UGT1A4: variants seen among roughly 807,000 people sequenced by gnomAD.
The protein encoded by UGT1A4 is UDP glucuronosyltransferase family 1 member A4.
Under a neutral mutation model 41.1 loss-of-function variants are expected in UGT1A4, and 32 were observed. The observed-to-expected ratio is 0.78, with a 90% CI of 0.59 to 1.05. The LOEUF is 1.05. UGT1A4 is among the 50% of genes least tolerant of loss of function. UGT1A4 has a pLI of 0.00. For synonymous variants in UGT1A4, 283 were observed against 265.1 expected, an observed-to-expected ratio of 1.07 and a Z score of -0.66; for missense variants, 748 against 677.4, an observed-to-expected ratio of 1.10 and a Z score of -1.16.
intron 1 of UGT1A4, among the ~76,000 whole-genome samples, chr2:233,733,088 C>T (rs1321589207): frequency 6.6e-6 from 1 of 152,072 alleles, no homozygotes; most frequent in Non-Finnish European, 1.5e-5. Flanking sequence ...AATGGGAGTT[C>T]ACTCATGGTT....
chr2:233,733,211 G>A (rs2078366147), intron 1 of UGT1A4, among the ~76,000 whole-genome samples: 1 of 152,200 alleles, frequency 6.6e-6, no homozygotes, highest in Non-Finnish European at 1.5e-5. Flanking sequence ...ACTTTGGGCT[G>A]AGACAATGGG....
Position 233,772,815 on chromosome 2 carries a change from G to A in UGT1A4, c.*256G>A. 1 of 1,022,382 alleles carries A rather than the reference G, an allele frequency of 9.8e-7. No homozygotes were observed. The highest frequency in any genetic ancestry group is 1.3e-6 in the Non-Finnish European group (1 of 747,412). 63.3% of individuals were successfully genotyped at this position (1,022,382 alleles called of 1,614,324 possible). On this transcript the variant is annotated 3_prime_UTR_variant, in exon 5 of 5. Transcript: ENST00000373409. Reference sequence around the variant, plus strand: ...ACATGTGCCATTTTTCAGAGGACGTGCAGACAGGCTGGCATTCTAGATTAC... The same window carrying A: ...ACATGTGCCATTTTTCAGAGGACGTACAGACAGGCTGGCATTCTAGATTAC...
At chr2:233,748,082 C>A (rs1013967791) in intron 1 of UGT1A4, 6 of 1,612,924 alleles carry the variant, frequency 3.7e-6, no homozygotes, top group Non-Finnish European at 5.1e-6. Context: ...TATCTCAGGT[C>A]GGTGTTCGTG....
In UGT1A4 at chr2:233,743,883, G is replaced by A. The variant is rs373345166; in HGVS notation, c.868-23151G>A. 1.0e-5 allele frequency: 14 copies of A among 1,366,944 alleles called. No individual in the cohort carries two copies. In the East Asian group the frequency reaches 1.4e-4, roughly 13 times the overall value. 84.7% of individuals were successfully genotyped at this position (1,366,944 alleles called of 1,614,324 possible). On this transcript the variant is annotated intron_variant, in intron 1 of 4. Transcript: ENST00000373409. ...TTGATGGCCTCGGATGAGGCCTGCC[G>A]GGGCACGTCCAGCACCTCGTAGTAG...
In UGT1A4 at chr2:233,760,982, C is replaced by A. The variant is rs147640261; in HGVS notation, c.868-6052C>A. Reference sequence around the variant, plus strand: ...GACGTGGTTTATTCCCCGTATGCAACCCTTGCCTCAGAATTCCTTCAGAGA... The same window carrying A: ...GACGTGGTTTATTCCCCGTATGCAAACCTTGCCTCAGAATTCCTTCAGAGA... On this transcript the variant is annotated intron_variant, in intron 1 of 4. Transcript: ENST00000373409. The A allele has an allele frequency of 1.9e-6, 3 of 1,614,220 alleles. No individual in the cohort carries two copies. The highest frequency in any genetic ancestry group is 2.7e-5 in the African/African-American group (2 of 75,052).
chr2:233,729,547 C>A (rs529213131), intron 1 of UGT1A4: 1 of 1,614,168 alleles, frequency 6.2e-7, no homozygotes, highest in South Asian at 1.1e-5. Flanking sequence ...GATCAGGCAC[C>A]TGAATGCTAC....
intron 1 of UGT1A4, among the ~76,000 whole-genome samples, chr2:233,758,729 C>T (rs1001839617): frequency 6.6e-6 from 1 of 152,208 alleles, no homozygotes; most frequent in African/African-American, 2.4e-5. Context: ...CCTCTAAGCA[C>T]ATCCCCAAGT....
intron 1 of UGT1A4, chr2:233,729,592 C>A (rs1253832448): frequency 6.2e-7 from 1 of 1,613,966 alleles, no homozygotes; most frequent in African/African-American, 1.3e-5. Flanking sequence ...CCCCGTTAAC[C>A]TCTGCGCGGC....
chr2:233,719,052 A>C lies in UGT1A4; in HGVS notation c.232A>C (p.Thr78Pro), dbSNP rs200903552. 5 of 1,614,270 alleles carry C rather than the reference A, an allele frequency of 3.1e-6. No individual in the cohort carries two copies. Among genetic ancestry groups the C allele is most frequent in the Non-Finnish European group, 4.2e-6 (5 of 1,180,042 alleles). Residue 78 changes from threonine to proline, a missense_variant, in exon 1 of 5, where the codon ACA (threonine) becomes CCA (proline). Coordinates refer to ENST00000373409, the MANE Select transcript of UGT1A4 (RefSeq NM_007120.3). ...CAAAGAAGAGAAATTTTTCACCCTG[A>C]CAGCCTATGCTGTTCCATGGACCCA... ...HIKEEKFFTL[T>P]AYAVPWTQKE...
Position 233,768,375 on chromosome 2 carries a change from A to C in UGT1A4, c.1243A>C (p.Asn415His). The change falls in exon 4 of 5, where the codon AAT becomes CAT. Residue 415 changes from asparagine to histidine, a missense_variant. Transcript: ENST00000373409. ...GACTAAGGGAGCTGGAGTGACCCTG[A>C]ATGTTCTGGAAATGACTTCTGAAGA... ...METKGAGVTL[N>H]VLEMTSEDLE... 1 of 1,614,190 alleles carries C rather than the reference A, an allele frequency of 6.2e-7. No individual in the cohort carries two copies. Among genetic ancestry groups the C allele is most frequent in the African/African-American group, 1.3e-5 (1 of 75,044 alleles).
At position 233,769,393 on chromosome 2, in the gene UGT1A4, G is replaced by A. The variant is rs767407915; in HGVS notation, c.1307+954G>A. ...GATTTCATCCGACAATAGATACTGT[G>A]TGCATATGTGCGTGTGCGTTTGTGC... is the stretch of plus-strand genomic sequence containing the variant. On this transcript the variant is annotated intron_variant, in intron 4 of 4. Transcript: ENST00000373409. This position sits in a 1 kb window ranked among gnomAD's most constrained non-coding sequence, Gnocchi z 4.4. 2.7e-5 allele frequency: 30 copies of A among 1,098,632 alleles called. No homozygotes were observed. Among genetic ancestry groups the A allele is most frequent in the Non-Finnish European group, 3.5e-5 (26 of 750,310 alleles). 68.1% of individuals were successfully genotyped at this position (1,098,632 alleles called of 1,614,324 possible).
intron 1 of UGT1A4, among the ~76,000 whole-genome samples, chr2:233,732,521 T>C (rs2078280152): frequency 6.6e-6 from 1 of 152,252 alleles, no homozygotes; most frequent in South Asian, 2.1e-4. Flanking sequence ...TCCAGCTTTC[T>C]ACATATGGCC....
intron 1 of UGT1A4, among the ~76,000 whole-genome samples, chr2:233,726,604 A>ACCCAGGAT (rs1166552006): frequency 1.2e-4 from 18 of 152,184 alleles, no homozygotes; most frequent in African/African-American, 4.3e-4. Flanking sequence ...TTGTGATTAC[A>ACCCAGGAT]CTGTCCTGCC....
chr2:233,765,271 A>T (rs1304943144), intron 1 of UGT1A4, among the ~76,000 whole-genome samples: 1 of 152,224 alleles, frequency 6.6e-6, no homozygotes, highest in Admixed American at 6.5e-5. Flanking sequence ...TACCCAAAGA[A>T]ATATAAATTA....
chr2:233,745,589 C>T (rs984719632), intron 1 of UGT1A4, among the ~76,000 whole-genome samples: 4 of 151,622 alleles, frequency 2.6e-5, no homozygotes, highest in East Asian at 1.9e-4. Flanking sequence ...ACCTGAGACC[C>T]GGACTTGGCA....
chr2:233,764,196 C>T (rs923801635), intron 1 of UGT1A4, among the ~76,000 whole-genome samples: 7 of 152,120 alleles, frequency 4.6e-5, no homozygotes, highest in African/African-American at 1.7e-4. Flanking sequence ...TCAGGGGCAT[C>T]TCATCTTTTC....
At position 233,772,405 on chromosome 2, in the gene UGT1A4, G is replaced by T. The variant is rs1176419046; in HGVS notation, c.1451G>T (p.Trp484Leu). Residue 484 changes from tryptophan to leucine, a missense_variant, in exon 5 of 5, where the codon TGG (tryptophan) becomes TTG (leucine). Coordinates refer to ENST00000373409, the MANE Select transcript of UGT1A4 (RefSeq NM_007120.3). ...CGCCCCGCAGCCCACGACCTCACCT[G>T]GTACCAGTACCATTCCTTGGACGTG... ...HLRPAAHDLTWYQYHSLDVIG... is the reference protein window; with the variant it reads ...HLRPAAHDLTLYQYHSLDVIG... 1.2e-6 allele frequency: 2 copies of T among 1,614,224 alleles called. No individual in the cohort carries two copies. Among genetic ancestry groups the T allele is most frequent in the South Asian group, 1.1e-5 (1 of 91,090 alleles).
Position 233,719,318 on chromosome 2 carries a change from G to T in UGT1A4, c.498G>T (p.Ser166=). Residue 166 remains serine (S), a synonymous_variant, in exon 1 of 5, where the codon TCG becomes TCT. Coordinates refer to ENST00000373409, the MANE Select transcript of UGT1A4 (RefSeq NM_007120.3). ...GGGCGGTGCTGGCTAAGTACCTGTCGATTCCTGCTGTGTTTTTTTGGAGGT... is the reference window on the plus strand; with the variant it reads ...GGGCGGTGCTGGCTAAGTACCTGTCTATTCCTGCTGTGTTTTTTTGGAGGT... The part of the protein sequence containing the change: ...LCGAVLAKYL[S]IPAVFFWRYI... 1 of 1,613,954 alleles carries T rather than the reference G, an allele frequency of 6.2e-7. No homozygotes were observed. Among genetic ancestry groups the T allele is most frequent in the Non-Finnish European group, 8.5e-7 (1 of 1,179,882 alleles).
Position 233,769,484 on chromosome 2 carries a change from T to C in UGT1A4, c.1307+1045T>C, listed in dbSNP as rs774504306. 6.2e-6 allele frequency: 10 copies of C among 1,612,518 alleles called. No homozygotes were observed. The South Asian group carries it at 9.9e-5, about 16-fold the overall frequency. Reference sequence around the variant, plus strand: ...ATATGCGTGTGTGTGTGTGTGCGTGTGTTTATGAGAGTGTCCATTGCTTTC... The same window carrying C: ...ATATGCGTGTGTGTGTGTGTGCGTGCGTTTATGAGAGTGTCCATTGCTTTC... On this transcript the variant is annotated intron_variant, in intron 4 of 4. Coordinates refer to ENST00000373409, the MANE Select transcript of UGT1A4 (RefSeq NM_007120.3). This position sits in a 1 kb window ranked among gnomAD's most constrained non-coding sequence, Gnocchi z 4.4.
Sources: gnomAD v4.1 joint callset for allele counts (sites outside exome capture counted in the v4.1 genomes callset) on GRCh38, gnomAD v4.1.1 for gene constraint, Gnocchi (gnomAD v3.1) non-coding constraint, MANE v1.5 for transcripts, NCBI Gene and HGNC (gene_info 2026-07-23, HGNC 2026-07-21) for gene names.